Variants in CDH13 observed in about 807,000 individuals in gnomAD.
The protein encoded by CDH13 is cadherin 13.
In CDH13, 24 loss-of-function variants were observed where a neutral mutation model predicts 63.8. That is an observed-to-expected ratio of 0.38 (90% CI 0.27 to 0.53). The LOEUF (loss-of-function observed/expected upper bound fraction) is 0.53, where lower values mean the gene tolerates loss of function less well. Among genes scored for constraint, CDH13 ranks in the 20% least tolerant of loss-of-function variants. The pLI, the probability that CDH13 is intolerant of heterozygous loss-of-function variation, is 0.85. For missense variants in CDH13, 1,049 were observed against 903.1 expected (o/e 1.16, Z -2.07); for synonymous variants, 503 against 355.3 (o/e 1.42, Z -4.67).
chr16:82,985,544 G>A (rs77340166), intron 2 of CDH13, among the ~76,000 whole-genome samples: 4,761 of 152,282 alleles, frequency 0.031, 99 homozygotes, highest in Non-Finnish European at 0.044. Flanking sequence ...GCCCTACAGA[G>A]ATAGGTGCGT....
chr16:82,758,841 G>A (rs1409248903), intron 1 of CDH13, among the ~76,000 whole-genome samples: 1 of 152,202 alleles, frequency 6.6e-6, no homozygotes, highest in East Asian at 1.9e-4. Flanking sequence ...CATTGTTTGA[G>A]TTAGCATACT....
chr16:82,872,415 A>G (rs2040371830), intron 2 of CDH13, among the ~76,000 whole-genome samples: 1 of 152,232 alleles, frequency 6.6e-6, no homozygotes, highest in African/African-American at 2.4e-5. Context: ...TTAAGGAATT[A>G]AGAATACAGG....
intron 2 of CDH13, among the ~76,000 whole-genome samples, chr16:82,942,076 G>A (rs957291294): frequency 1.2e-4 from 19 of 152,074 alleles, no homozygotes; most frequent in African/African-American, 3.9e-4. Flanking sequence ...TTTCCTATCA[G>A]GCTTATTGCT....
At chr16:82,701,586 G>A (rs528584674) in intron 1 of CDH13, among the ~76,000 whole-genome samples, 19 of 152,214 alleles carry the variant, frequency 1.2e-4, no homozygotes, top group African/African-American at 4.1e-4. Context: ...TGTCCTATTT[G>A]CTTTTTCTGT....
At chr16:82,794,507 A>G (rs2036485043) in intron 1 of CDH13, among the ~76,000 whole-genome samples, 1 of 151,764 alleles carries the variant, frequency 6.6e-6, no homozygotes, top group Non-Finnish European at 1.5e-5. Flanking sequence ...ACGGCTAGGA[A>G]TAGCTGATAA....
intron 10 of CDH13, among the ~76,000 whole-genome samples, chr16:83,680,677 G>A (rs1414507735): frequency 1.3e-5 from 2 of 152,146 alleles, no homozygotes; most frequent in African/African-American, 2.4e-5. Context: ...GTGGGGAGAA[G>A]CTGGAACGCA....
chr16:83,404,744 A>G lies in CDH13; in HGVS notation c.781+59738A>G, dbSNP rs1236008820. On this transcript the variant is annotated intron_variant, in intron 6 of 13. Transcript: ENST00000567109. ...GTCTTCCCAGAAATTGTGTTAAGAA[A>G]CAAACATGTATATCCTTTTGTGCTG... Among the ~76,000 whole-genome samples, 3 of 152,202 alleles carry G rather than the reference A, an allele frequency of 2.0e-5. 1 individual carries two copies. In the South Asian group the frequency reaches 6.2e-4, roughly 31 times the overall value.
intron 6 of CDH13, among the ~76,000 whole-genome samples, chr16:83,390,959 G>A (rs1037170186): frequency 6.6e-6 from 1 of 152,124 alleles, no homozygotes; most frequent in East Asian, 1.9e-4. Flanking sequence ...CCAGCTTCCT[G>A]TGCTTGGGAT....
chr16:82,864,109 C>T (rs548703045), intron 2 of CDH13, among the ~76,000 whole-genome samples: 3 of 152,184 alleles, frequency 2.0e-5, no homozygotes, highest in Admixed American at 1.3e-4. Flanking sequence ...TTATTTACTT[C>T]GCTTTTGTGG....
chr16:82,770,172 A>G (rs929038469), intron 1 of CDH13, among the ~76,000 whole-genome samples: 1 of 152,252 alleles, frequency 6.6e-6, no homozygotes, highest in Non-Finnish European at 1.5e-5. Flanking sequence ...TGGTCTTATT[A>G]GAAAACAAAT....
intron 2 of CDH13, among the ~76,000 whole-genome samples, chr16:82,936,766 C>T (rs1382656858): frequency 6.6e-6 from 1 of 152,212 alleles, no homozygotes; most frequent in African/African-American, 2.4e-5. Flanking sequence ...ATCAACTCTA[C>T]TTGAGTGCAT....
At chr16:83,656,972 G>T (rs1244630246) in intron 8 of CDH13, among the ~76,000 whole-genome samples, 1 of 152,188 alleles carries the variant, frequency 6.6e-6, no homozygotes, top group African/African-American at 2.4e-5. Context: ...GTGATTAAAG[G>T]ACAGGCTGAT....
At chr16:83,560,052 C>T (rs1433005973) in intron 7 of CDH13, among the ~76,000 whole-genome samples, 1 of 152,144 alleles carries the variant, frequency 6.6e-6, no homozygotes, top group Non-Finnish European at 1.5e-5. Context: ...CTTCCTGCAA[C>T]ACCCCAGCTC....
chr16:83,488,590 C>A (rs1276312961), intron 7 of CDH13, among the ~76,000 whole-genome samples: 2 of 152,010 alleles, frequency 1.3e-5, no homozygotes, highest in Non-Finnish European at 2.9e-5. Context: ...CTCCCATTCT[C>A]TTTCCAACCC....
intron 5 of CDH13, among the ~76,000 whole-genome samples, chr16:83,274,418 G>A (rs1330743215): frequency 6.6e-6 from 1 of 152,108 alleles, no homozygotes; most frequent in Non-Finnish European, 1.5e-5. Flanking sequence ...GTGATCCCTT[G>A]CCTCCCTCAC....
In CDH13 at chr16:83,208,943, G is replaced by C. The variant is rs1001098764; in HGVS notation, c.484-8402G>C. On this transcript the variant is annotated intron_variant, in intron 4 of 13. Coordinates refer to ENST00000567109, the MANE Select transcript of CDH13 (RefSeq NM_001257.5). Reference sequence around the variant, plus strand: ...TTAAAGGGACCCCTGCAAATTATAAGGATAGGGAGGGTATTAAGTCCCTTT... The same window carrying C: ...TTAAAGGGACCCCTGCAAATTATAACGATAGGGAGGGTATTAAGTCCCTTT... Among the ~76,000 whole-genome samples, 17 of 152,220 alleles carry C rather than the reference G, an allele frequency of 1.1e-4. 1 individual carries two copies. The highest frequency in any genetic ancestry group is 7.4e-5 in the Non-Finnish European group (5 of 68,000).
At chr16:83,010,397 G>C (rs902437551) in intron 2 of CDH13, among the ~76,000 whole-genome samples, 3 of 152,064 alleles carry the variant, frequency 2.0e-5, no homozygotes, top group Non-Finnish European at 4.4e-5. Context: ...ATGCACGACT[G>C]TCAGAAATGG....
At chr16:83,364,143 T>C (rs1041215044) in intron 6 of CDH13, among the ~76,000 whole-genome samples, 2 of 152,192 alleles carry the variant, frequency 1.3e-5, no homozygotes, top group South Asian at 2.1e-4. Flanking sequence ...TCACTGCTTC[T>C]CATGGGGACC....
At chr16:82,810,403 A>G (rs1202023686) in intron 1 of CDH13, among the ~76,000 whole-genome samples, 1 of 152,164 alleles carries the variant, frequency 6.6e-6, no homozygotes, top group Non-Finnish European at 1.5e-5. Context: ...AAAGCACTGG[A>G]CAGTTTCCTC....
Sources: gnomAD v4.1 joint callset for allele counts (sites outside exome capture counted in the v4.1 genomes callset) on GRCh38, gnomAD v4.1.1 for gene constraint, MANE v1.5 for transcripts, NCBI Gene and HGNC (gene_info 2026-07-23, HGNC 2026-07-21) for gene names.